MAGI3: variants seen among roughly 807,000 people sequenced by gnomAD.
The protein encoded by MAGI3 is membrane associated guanylate kinase, WW and PDZ domain containing 3.
Under a neutral mutation model 121.8 loss-of-function variants are expected in MAGI3, and 43 were observed. The observed-to-expected ratio is 0.35, with a 90% CI of 0.28 to 0.46. The LOEUF (loss-of-function observed/expected upper bound fraction) is 0.46. Among genes scored for constraint, MAGI3 ranks in the 20% least tolerant of loss-of-function variants. The probability of loss-of-function intolerance (pLI) is 1.00; values close to 1 mark genes in which losing one functional copy is unlikely to be tolerated. For synonymous variants in MAGI3, 553 were observed against 639.3 expected (o/e 0.86, Z 2.04); for missense variants, 1,547 against 1,797.3 (o/e 0.86, Z 2.52).
intron 2 of MAGI3, among the ~76,000 whole-genome samples, chr1:113,550,109 C>CT (rs771275358): frequency 1.3e-4 from 16 of 121,488 alleles, no homozygotes; most frequent in Non-Finnish European, 2.6e-4. Flanking sequence ...GAGCGATACT[C>CT]TGTCTAAAAA....
chr1:113,467,198 A>G (rs949269744), intron 1 of MAGI3, among the ~76,000 whole-genome samples: 1 of 151,776 alleles, frequency 6.6e-6, no homozygotes, highest in African/African-American at 2.4e-5. Context: ...TTCTTCATTG[A>G]TCCTTTGGTC....
chr1:113,460,940 A>G (rs753580402), intron 1 of MAGI3, among the ~76,000 whole-genome samples: 6 of 152,224 alleles, frequency 3.9e-5, no homozygotes, highest in Non-Finnish European at 8.8e-5. Context: ...CACCAACAAC[A>G]GCCAAACTGA....
Position 113,614,656 on chromosome 1 carries a change from T to C in MAGI3, c.1074T>C (p.Val358=). 1.3e-6 allele frequency: 2 copies of C among 1,599,150 alleles called. No homozygotes were observed. Among genetic ancestry groups the C allele is most frequent in the Non-Finnish European group, 1.7e-6 (2 of 1,170,574 alleles). Reference sequence around the variant, plus strand: ...ACCCTCAGTATGGGACATACTATGTTGAGTAAGTTTGTTACCTCAGTTAAT... The same window carrying C: ...ACCCTCAGTATGGGACATACTATGTCGAGTAAGTTTGTTACCTCAGTTAAT... ...IEDPQYGTYY[V]DHLNQKTQFE... Residue 358 remains valine, a splice_region_variant and synonymous_variant, in exon 7 of 21, where the codon GTT becomes GTC. Coordinates refer to ENST00000307546, the MANE Select transcript of MAGI3 (RefSeq NM_001142782.2).
At chr1:113,582,018 G>A (rs2101721510) in intron 3 of MAGI3, among the ~76,000 whole-genome samples, 1 of 151,938 alleles carries the variant, frequency 6.6e-6, no homozygotes, top group Middle Eastern at 3.4e-3. Context: ...CTAAATATAA[G>A]AGCTTGGTAT....
intron 1 of MAGI3, among the ~76,000 whole-genome samples, chr1:113,436,703 C>G (rs1007517210): frequency 1.3e-5 from 2 of 150,794 alleles, no homozygotes; most frequent in African/African-American, 2.4e-5. Context: ...TTAATACTGT[C>G]AAAGCACTTT....
At chr1:113,616,540 T>A (rs1474682768) in intron 7 of MAGI3, among the ~76,000 whole-genome samples, 1 of 152,214 alleles carries the variant, frequency 6.6e-6, no homozygotes, top group Non-Finnish European at 1.5e-5. Context: ...TAACACCAAC[T>A]GCAGTGGTAG....
intron 15 of MAGI3, among the ~76,000 whole-genome samples, chr1:113,657,871 A>C (rs1653567678): frequency 6.6e-6 from 1 of 152,242 alleles, no homozygotes; most frequent in African/African-American, 2.4e-5. Context: ...TTAAGATAAA[A>C]TCTGCCACTG....
At chr1:113,397,134 T>C (rs78533096) in intron 1 of MAGI3, among the ~76,000 whole-genome samples, 3,538 of 152,236 alleles carry the variant, frequency 0.023, 132 homozygotes, top group African/African-American at 0.081. Context: ...TTGGAACCAA[T>C]TGCAGTTTTT....
At chr1:113,476,475 A>T (rs1298913504) in intron 1 of MAGI3, among the ~76,000 whole-genome samples, 2 of 152,080 alleles carry the variant, frequency 1.3e-5, no homozygotes, top group Non-Finnish European at 2.9e-5. Flanking sequence ...TCATTTTGTT[A>T]TTTACCCAGT....
Position 113,643,814 on chromosome 1 carries a change from C to G in MAGI3, c.1998+40C>G, listed in dbSNP as rs772018480. The stretch of plus-strand genomic sequence containing the variant: ...GTCCTCAAATCTTTTCCCCAACACA[C>G]TGAGAGAGATGCCACATTCCCCTCT... On this transcript the variant is annotated intron_variant, in intron 11 of 20. Coordinates refer to ENST00000307546, the MANE Select transcript of MAGI3 (RefSeq NM_001142782.2). 3 of 1,586,902 alleles carry G rather than the reference C, an allele frequency of 1.9e-6. No homozygotes were observed. The African/African-American group carries it at 4.0e-5, about 21-fold the overall frequency.
At chr1:113,465,366 C>G (rs570495210) in intron 1 of MAGI3, among the ~76,000 whole-genome samples, 1 of 152,198 alleles carries the variant, frequency 6.6e-6, no homozygotes, top group African/African-American at 2.4e-5. Context: ...GTCTATGTGT[C>G]TGTTTTTATA....
intron 1 of MAGI3, among the ~76,000 whole-genome samples, chr1:113,479,199 C>T (rs1427036942): frequency 2.0e-5 from 3 of 152,232 alleles, no homozygotes; most frequent in African/African-American, 7.2e-5. Flanking sequence ...ATCCCTTGCG[C>T]TTCCCAGGTG....
chr1:113,562,133 T>C (rs1381479850), intron 2 of MAGI3, among the ~76,000 whole-genome samples: 3 of 152,062 alleles, frequency 2.0e-5, no homozygotes, highest in Non-Finnish European at 4.4e-5. Context: ...TGGCTGAGCA[T>C]GGTGGCTCAC....
chr1:113,551,355 A>G lies in MAGI3; in HGVS notation c.433+1724A>G, dbSNP rs80107279. Reference sequence around the variant, plus strand: ...GATTCAATCAGTTTTTAAAGTGCACATTTCTCAGCACTATAGGAAAGGGAA... The same window carrying G: ...GATTCAATCAGTTTTTAAAGTGCACGTTTCTCAGCACTATAGGAAAGGGAA... On this transcript the variant is annotated intron_variant, in intron 2 of 20. Transcript: ENST00000307546. Among the ~76,000 whole-genome samples the G allele has an allele frequency of 2.5e-4, 38 of 152,252 alleles. No individual in the cohort carries two copies. In the East Asian group the frequency reaches 6.6e-3, roughly 26 times the overall value.
At chr1:113,675,373 T>C (rs1036939029) in intron 19 of MAGI3, among the ~76,000 whole-genome samples, 6 of 150,852 alleles carry the variant, frequency 4.0e-5, no homozygotes, top group Admixed American at 3.3e-4. Context: ...AAAGGAAGAG[T>C]AAAGGATGAC....
At position 113,594,481 on chromosome 1, in the gene MAGI3, C is replaced by T. The variant is rs768662486; in HGVS notation, c.939C>T (p.Asp313=). 1.2e-6 allele frequency: 2 copies of T among 1,609,460 alleles called. No homozygotes were observed. Among genetic ancestry groups the T allele is most frequent in the Admixed American group, 3.4e-5 (2 of 59,162 alleles). Residue 313 remains aspartate (D), a splice_region_variant and synonymous_variant, in exon 6 of 21, where the codon GAC becomes GAT. Transcript: ENST00000307546. ...YTDTGMIYFI[D]HNTKTTTWLD... ...TCTAATTAAAATCTTTATTCTACAG[C>T]CACAATACCAAGACAACCACCTGGT...
At chr1:113,633,871 A>G (rs1185639007) in intron 9 of MAGI3, among the ~76,000 whole-genome samples, 1 of 152,098 alleles carries the variant, frequency 6.6e-6, no homozygotes, top group Non-Finnish European at 1.5e-5. Flanking sequence ...AAGTGGTCCT[A>G]TTTCTCCACA....
At chr1:113,534,976 A>G (rs534052004) in intron 1 of MAGI3, among the ~76,000 whole-genome samples, 1 of 152,306 alleles carries the variant, frequency 6.6e-6, no homozygotes, top group South Asian at 2.1e-4. Context: ...TAGAGGAACC[A>G]GTTCTGTAAG....
At position 113,585,431 on chromosome 1, in the gene MAGI3, T is replaced by C; in HGVS notation, c.598T>C (p.Phe200Leu). The C allele has an allele frequency of 6.2e-7, 1 of 1,614,096 alleles. No homozygotes were observed. Among genetic ancestry groups the C allele is most frequent in the Non-Finnish European group, 8.5e-7 (1 of 1,179,980 alleles). The change falls in exon 4 of 21, where the codon TTT (phenylalanine) becomes CTT (leucine). Residue 200 changes from phenylalanine (F) to leucine (L), a missense_variant. Phe to Leu is a conservative substitution (Grantham distance 22). Transcript: ENST00000307546. ...CAAGCCTCCAGCAGAACCCAGCCCTTTTCAGCCAGATCCAGTTGATCAAGT... is the reference window on the plus strand; with the variant it reads ...CAAGCCTCCAGCAGAACCCAGCCCTCTTCAGCCAGATCCAGTTGATCAAGT... ...TPKPPAEPSP[F>L]QPDPVDQVLF...
Sources: gnomAD v4.1 joint callset for allele counts (sites outside exome capture counted in the v4.1 genomes callset) on GRCh38, gnomAD v4.1.1 for gene constraint, MANE v1.5 for transcripts, NCBI Gene and HGNC (gene_info 2026-07-23, HGNC 2026-07-21) for gene names.